DENND1B: variants seen among roughly 807,000 people sequenced by gnomAD.
DENND1B encodes the protein DENN domain-containing protein 1B.
In DENND1B, 59 loss-of-function variants were observed where a neutral mutation model predicts 90.1. The ratio of observed to expected loss-of-function variants is 0.65; its 90% CI spans 0.53 to 0.81. The LOEUF (loss-of-function observed/expected upper bound fraction) is 0.81, where lower values mean the gene tolerates loss of function less well. Ranked by LOEUF, DENND1B falls within the 40% of genes least tolerant of loss-of-function variation. DENND1B has a pLI of 0.00. For missense variants in DENND1B, 862 were observed against 912.6 expected (o/e 0.94, Z 0.71); for synonymous variants, 337 against 324.6 (o/e 1.04, Z -0.41).
intron 15 of DENND1B, among the ~76,000 whole-genome samples, chr1:197,553,361 TCTAA>T (rs1158327723): frequency 6.6e-6 from 1 of 152,154 alleles, no homozygotes; most frequent in African/African-American, 2.4e-5. Flanking sequence ...AGAGTCTAAC[TCTAA>T]CTTATTAGCA....
intron 3 of DENND1B, among the ~76,000 whole-genome samples, chr1:197,701,499 T>C (rs1659024900): frequency 6.6e-6 from 1 of 151,506 alleles, no homozygotes; most frequent in African/African-American, 2.4e-5. Flanking sequence ...CTGGCACATG[T>C]ATGCCTATGT....
At chr1:197,662,261 G>C (rs1436318309) in intron 5 of DENND1B, among the ~76,000 whole-genome samples, 1 of 152,044 alleles carries the variant, frequency 6.6e-6, no homozygotes, top group Non-Finnish European at 1.5e-5. Context: ...GGGGTTGAGA[G>C]CAGAATCTAA....
intron 12 of DENND1B, among the ~76,000 whole-genome samples, chr1:197,611,053 A>T (rs1296687152): frequency 1.3e-5 from 2 of 150,814 alleles, no homozygotes; most frequent in Non-Finnish European, 3.0e-5. Context: ...ATCTTTGATC[A>T]AAGTAAGGAC....
intron 9 of DENND1B, 39 bp downstream of exon 9, chr1:197,645,651 T>C (rs1363803997): frequency 7.7e-7 from 1 of 1,298,636 alleles, no homozygotes; most frequent in Admixed American, 2.6e-5. Flanking sequence ...ACAAAATTAA[T>C]AATATAAGAA....
At chr1:197,599,690 CTT>C (rs745734078) in intron 13 of DENND1B, among the ~76,000 whole-genome samples, 2 of 151,694 alleles carry the variant, frequency 1.3e-5, no homozygotes, top group Admixed American at 6.6e-5. Flanking sequence ...AAAATTAACA[CTT>C]CTCTCTTAAT....
chr1:197,716,086 C>T (rs1283715084), intron 2 of DENND1B, among the ~76,000 whole-genome samples: 2 of 151,924 alleles, frequency 1.3e-5, no homozygotes, highest in East Asian at 3.9e-4. Flanking sequence ...AAACTTACAG[C>T]TTGATTCCAT....
intron 20 of DENND1B, among the ~76,000 whole-genome samples, chr1:197,535,191 A>G (rs1669786930): frequency 6.6e-6 from 1 of 152,214 alleles, no homozygotes; most frequent in Non-Finnish European, 1.5e-5. Context: ...CCATTAGGGT[A>G]GGCTGACCTT....
intron 10 of DENND1B, among the ~76,000 whole-genome samples, chr1:197,620,737 T>C (rs1678082907): frequency 6.6e-6 from 1 of 151,382 alleles, no homozygotes; most frequent in Non-Finnish European, 1.5e-5. Flanking sequence ...GCCTGCTATA[T>C]GCAATCGAAA....
At chr1:197,546,093 C>A in intron 17 of DENND1B, 103 bp from the exon 18 acceptor site, 1 of 867,430 alleles carries the variant, frequency 1.2e-6, no homozygotes, top group South Asian at 1.9e-5. Context: ...GGGCTTTACT[C>A]ACAACTTAAA....
At chr1:197,715,189 T>G in intron 2 of DENND1B, 115 bp from the exon 3 acceptor site, 1 of 729,024 alleles carries the variant, frequency 1.4e-6, no homozygotes, top group Non-Finnish European at 2.2e-6. Context: ...ACATTTAAAT[T>G]TTTCTTTAAA....
intron 14 of DENND1B, among the ~76,000 whole-genome samples, chr1:197,592,924 T>G (rs1198866123): frequency 6.6e-6 from 1 of 152,154 alleles, no homozygotes; most frequent in Non-Finnish European, 1.5e-5. Context: ...ATATTTTCCT[T>G]TCCAATTGTA....
chr1:197,747,216 T>C, intron 2 of DENND1B: 1 of 694,560 alleles, frequency 1.4e-6, no homozygotes. Context: ...ATTCTTGAAA[T>C]ATATTCTACA....
intron 12 of DENND1B, among the ~76,000 whole-genome samples, chr1:197,609,120 T>A (rs1259268992): frequency 2.0e-5 from 3 of 150,370 alleles, no homozygotes; most frequent in Non-Finnish European, 4.5e-5. Context: ...CACTGTTACA[T>A]CTCATAAAGT....
At chr1:197,685,235 G>A (rs1401701468) in intron 3 of DENND1B, among the ~76,000 whole-genome samples, 1 of 152,034 alleles carries the variant, frequency 6.6e-6, no homozygotes, top group Non-Finnish European at 1.5e-5. Flanking sequence ...GATTAAGCAA[G>A]GTCAATAATA....
At chr1:197,530,380 C>T (rs549352299) in intron 20 of DENND1B, among the ~76,000 whole-genome samples, 1 of 152,268 alleles carries the variant, frequency 6.6e-6, no homozygotes, top group South Asian at 2.1e-4. Flanking sequence ...GTTCTTTAGA[C>T]AACTGAGATC....
chr1:197,667,023 A>C (rs1398018003), intron 5 of DENND1B, among the ~76,000 whole-genome samples: 2 of 151,730 alleles, frequency 1.3e-5, no homozygotes, highest in Non-Finnish European at 2.9e-5. Flanking sequence ...ATTCCCAGCT[A>C]CTCTGGAGGC....
chr1:197,761,163 C>A (rs542437607), intron 2 of DENND1B, among the ~76,000 whole-genome samples: 60 of 152,144 alleles, frequency 3.9e-4, no homozygotes, highest in Admixed American at 2.2e-3. Context: ...GTTCTCAAGT[C>A]TTGAAGTAAT....
At chr1:197,725,791 A>G (rs1387071376) in intron 2 of DENND1B, among the ~76,000 whole-genome samples, 8 of 152,076 alleles carry the variant, frequency 5.3e-5, no homozygotes, top group Non-Finnish European at 8.8e-5. Flanking sequence ...ACTCTGGGAA[A>G]GGGAGCCACA....
chr1:197,660,232 AG>A (rs1187192279), intron 5 of DENND1B, among the ~76,000 whole-genome samples: 2 of 151,982 alleles, frequency 1.3e-5, no homozygotes, highest in Non-Finnish European at 2.9e-5. Flanking sequence ...TTCTATTCCT[AG>A]GTATTTTATT....
Sources: allele counts gnomAD v4.1 joint callset (sites outside exome capture counted in the v4.1 genomes callset), GRCh38; gene constraint gnomAD v4.1.1; transcripts MANE v1.5; gene names NCBI Gene and HGNC (gene_info 2026-07-23, HGNC 2026-07-21).